CCSER1: variants seen among roughly 807,000 people sequenced by gnomAD.
CCSER1 encodes serine-rich coiled-coil domain-containing protein 1.
A neutral mutation model predicts 82.0 loss-of-function variants in CCSER1; 41 were observed. The ratio of observed to expected loss-of-function variants is 0.50; its 90% CI spans 0.39 to 0.65. The LOEUF is 0.65. Ranked by LOEUF, CCSER1 falls within the 30% of genes least tolerant of loss-of-function variation. The pLI, the probability that CCSER1 is intolerant of heterozygous loss-of-function variation, is 0.00. For missense variants in CCSER1, 1,119 were observed against 1,064.2 expected (o/e 1.05, Z -0.72); for synonymous variants, 414 against 383.9 (o/e 1.08, Z -0.92).
chr4:91,217,700 C>T (rs1054159133), intron 10 of CCSER1, among the ~76,000 whole-genome samples: 3 of 151,764 alleles, frequency 2.0e-5, no homozygotes, highest in South Asian at 2.1e-4. Context: ...GAGCTAGATA[C>T]AGAGTGCCGA....
At chr4:90,739,670 G>A (rs1746219179) in intron 7 of CCSER1, among the ~76,000 whole-genome samples, 1 of 152,160 alleles carries the variant, frequency 6.6e-6, no homozygotes, top group Non-Finnish European at 1.5e-5. Flanking sequence ...TCTGGCTAGG[G>A]CTAATCTGAA....
chr4:90,748,825 T>A (rs1019712002), intron 7 of CCSER1, among the ~76,000 whole-genome samples: 2 of 150,296 alleles, frequency 1.3e-5, no homozygotes, highest in African/African-American at 2.5e-5. Context: ...TTTGGCTGCA[T>A]AAATGTCTTC....
At chr4:91,180,149 CTGCCTCA>C (rs1229303295) in intron 10 of CCSER1, among the ~76,000 whole-genome samples, 1 of 152,226 alleles carries the variant, frequency 6.6e-6, no homozygotes, top group East Asian at 1.9e-4. Flanking sequence ...GCAGTTGTTG[CTGCCTCA>C]TCCTTCCTCT....
chr4:90,233,494 G>A (rs999378121), intron 1 of CCSER1, among the ~76,000 whole-genome samples: 1 of 151,968 alleles, frequency 6.6e-6, no homozygotes, highest in Non-Finnish European at 1.5e-5. Flanking sequence ...AAGTGGGGAG[G>A]GATAGCATGG....
intron 8 of CCSER1, 72 bp from the exon 9 acceptor site, chr4:90,923,298 T>A (rs762692432): frequency 1.2e-4 from 123 of 1,039,542 alleles, no homozygotes; most frequent in Non-Finnish European, 1.7e-4. Flanking sequence ...CAAATTTTAA[T>A]AAGTGGAGAA....
At chr4:91,464,111 CACGTT>C (rs2149435194) in intron 10 of CCSER1, among the ~76,000 whole-genome samples, 1 of 152,336 alleles carries the variant, frequency 6.6e-6, no homozygotes, top group East Asian at 1.9e-4. Flanking sequence ...TGAGAAAGGT[CACGTT>C]ACCCACATAG....
At chr4:90,237,103 C>T (rs1745944889) in intron 1 of CCSER1, among the ~76,000 whole-genome samples, 1 of 152,040 alleles carries the variant, frequency 6.6e-6, no homozygotes, top group African/African-American at 2.4e-5. Flanking sequence ...GATGAGAAAG[C>T]AGTGCAGAGA....
intron 3 of CCSER1, among the ~76,000 whole-genome samples, chr4:90,365,537 A>G (rs914414074): frequency 6.6e-6 from 1 of 151,892 alleles, no homozygotes; most frequent in African/African-American, 2.4e-5. Flanking sequence ...TTTAAAATTC[A>G]TGTGTGCCTG....
intron 4 of CCSER1, among the ~76,000 whole-genome samples, chr4:90,449,522 G>C (rs1241949176): frequency 6.6e-6 from 1 of 152,202 alleles, no homozygotes. Context: ...ATGGTGCCCA[G>C]GCTGTTTCTG....
intron 5 of CCSER1, among the ~76,000 whole-genome samples, chr4:90,507,545 A>G (rs1318460300): frequency 2.0e-5 from 3 of 152,126 alleles, no homozygotes; most frequent in Non-Finnish European, 4.4e-5. Context: ...TGTATCATAT[A>G]TAGAGGTAGA....
At chr4:90,901,721 C>A (rs1361269462) in intron 8 of CCSER1, among the ~76,000 whole-genome samples, 1 of 151,874 alleles carries the variant, frequency 6.6e-6, no homozygotes, top group Non-Finnish European at 1.5e-5. Flanking sequence ...AGATTTTTTT[C>A]TCCCCCTTCA....
chr4:90,386,698 T>A (rs1178397412), intron 3 of CCSER1, among the ~76,000 whole-genome samples: 1 of 151,952 alleles, frequency 6.6e-6, no homozygotes, highest in Non-Finnish European at 1.5e-5. Flanking sequence ...ATCAATGGAG[T>A]AAAAGGACAA....
At chr4:90,665,591 G>A (rs185771817) in intron 6 of CCSER1, among the ~76,000 whole-genome samples, 1 of 152,272 alleles carries the variant, frequency 6.6e-6, no homozygotes, top group East Asian at 1.9e-4. Flanking sequence ...AAAGTGCTGG[G>A]ATTACAGGTA....
At position 90,745,226 on chromosome 4, in the gene CCSER1, A is replaced by T. The variant is rs917887186; in HGVS notation, c.2010+21235A>T. Among the ~76,000 whole-genome samples, 4 of 152,304 alleles carry T rather than the reference A, an allele frequency of 2.6e-5. No homozygotes were observed. The East Asian group carries it at 7.7e-4, about 29-fold the overall frequency. ...AGCTGCCTGCATTACTGGGCTTTGT[A>T]GACCCCGTCTATCTTCAAAACCAGC... is the stretch of plus-strand genomic sequence containing the variant. On this transcript the variant is annotated intron_variant, in intron 7 of 10. Transcript: ENST00000509176.
At chr4:91,510,090 T>C (rs113809018) in intron 10 of CCSER1, among the ~76,000 whole-genome samples, 9,965 of 152,238 alleles carry the variant, frequency 0.065, 449 homozygotes, top group South Asian at 0.17. Context: ...CTCCCACTTA[T>C]AAGTGAAAAC....
chr4:91,359,908 C>T (rs1255181227), intron 10 of CCSER1, among the ~76,000 whole-genome samples: 1 of 151,732 alleles, frequency 6.6e-6, no homozygotes, highest in Non-Finnish European at 1.5e-5. Flanking sequence ...GTGACAGCCA[C>T]AGTGCCAAGT....
At chr4:90,366,249 T>C (rs1022759661) in intron 3 of CCSER1, among the ~76,000 whole-genome samples, 1 of 151,886 alleles carries the variant, frequency 6.6e-6, no homozygotes, top group Non-Finnish European at 1.5e-5. Context: ...CTACTTTCTA[T>C]TCAGGTTCAT....
At chr4:91,562,333 T>C (rs1316292784) in intron 10 of CCSER1, among the ~76,000 whole-genome samples, 1 of 151,566 alleles carries the variant, frequency 6.6e-6, no homozygotes, top group African/African-American at 2.4e-5. Flanking sequence ...GCAGACCTTA[T>C]ATAACTTTTT....
chr4:90,234,602 A>G (rs960027878), intron 1 of CCSER1, among the ~76,000 whole-genome samples: 4 of 152,184 alleles, frequency 2.6e-5, no homozygotes, highest in Non-Finnish European at 5.9e-5. Context: ...GCCTCAAGGC[A>G]CACTGAGTTT....
Sources: gnomAD v4.1 joint callset for allele counts (sites outside exome capture counted in the v4.1 genomes callset) on GRCh38, gnomAD v4.1.1 for gene constraint, MANE v1.5 for transcripts, NCBI Gene and HGNC (gene_info 2026-07-23, HGNC 2026-07-21) for gene names.